Variants in TEC observed in about 807,000 individuals in gnomAD.
TEC encodes the protein tec protein tyrosine kinase.
A neutral mutation model predicts 93.0 loss-of-function variants in TEC; 72 were observed. That is an observed-to-expected ratio of 0.77 (90% CI 0.64 to 0.94). The LOEUF (loss-of-function observed/expected upper bound fraction) is 0.94, where lower values mean the gene tolerates loss of function less well. TEC is among the 40% of genes least tolerant of loss of function. The pLI, the probability that TEC is intolerant of heterozygous loss-of-function variation, is 0.00. For synonymous variants in TEC, 249 were observed against 247.7 expected, an observed-to-expected ratio of 1.01 and a Z score of -0.05; for missense variants, 630 against 757.9, an observed-to-expected ratio of 0.83 and a Z score of 1.98.
chr4:48,227,928 T>C (rs1429280816), intron 2 of TEC, among the ~76,000 whole-genome samples: 2 of 152,172 alleles, frequency 1.3e-5, no homozygotes, highest in Non-Finnish European at 2.9e-5. Context: ...CACATTTGTC[T>C]GTGCCACGTG....
chr4:48,179,350 ATATATATATATATATATATATATATATT>A (rs1392014136), intron 2 of TEC, among the ~76,000 whole-genome samples: 1 of 27,306 alleles, frequency 3.7e-5, no homozygotes, highest in Admixed American at 4.2e-4. Context: ...ATATATATAT[ATATATATATATATATATATATATATATT>A]TTTTTTTTTT....
chr4:48,183,373 G>A (rs781042742), intron 2 of TEC, among the ~76,000 whole-genome samples: 4 of 152,184 alleles, frequency 2.6e-5, no homozygotes, highest in Non-Finnish European at 5.9e-5. Flanking sequence ...ATACTCAGAC[G>A]GCTGGTAAAA....
chr4:48,199,455 CTTTTTTTTTTTTTTTT>C (rs34965891), intron 2 of TEC, among the ~76,000 whole-genome samples: 12 of 67,364 alleles, frequency 1.8e-4, no homozygotes, highest in Admixed American at 2.6e-4. Flanking sequence ...GATTTTCTTT[CTTTTTTTTTTTTTTTT>C]TTTTTTTTTT....
chr4:48,262,262 T>C (rs995311765), intron 1 of TEC, among the ~76,000 whole-genome samples: 1 of 138,720 alleles, frequency 7.2e-6, no homozygotes, highest in African/African-American at 2.7e-5. Context: ...AGTGGTGCGA[T>C]CTCAGCTAAC....
At position 48,170,477 on chromosome 4, in the gene TEC, T is replaced by C. The variant is rs1721055239; in HGVS notation, c.326-101A>G. On this transcript the variant is annotated intron_variant, in intron 4 of 17. Coordinates refer to ENST00000381501, the MANE Select transcript of TEC (RefSeq NM_003215.3). ...ATCATTACTTATTTCTTGGACACTA[T>C]GTTTACTATAAGAACGCCCTTAGAT... The C allele has an allele frequency of 6.0e-6, 5 of 835,324 alleles. No individual in the cohort carries two copies. The South Asian group carries it at 1.1e-4, about 18-fold the overall frequency. The allele number at this position is 835,324 out of a possible 1,614,324, so 51.7% of individuals were successfully genotyped here. A position where few individuals can be genotyped will look rare whatever the true frequency, so the allele number is the denominator to read the frequency against.
At chr4:48,232,118 A>G (rs1167965857) in intron 1 of TEC, among the ~76,000 whole-genome samples, 2 of 151,890 alleles carry the variant, frequency 1.3e-5, no homozygotes, top group Non-Finnish European at 2.9e-5. Context: ...GTGAAACTCC[A>G]TCTCTATTAA....
chr4:48,167,435 T>A (rs1720914661), intron 7 of TEC, among the ~76,000 whole-genome samples: 1 of 151,650 alleles, frequency 6.6e-6, no homozygotes, highest in South Asian at 2.1e-4. Flanking sequence ...AAGAAAAAAA[T>A]TACAATAAAC....
At chr4:48,192,718 T>C (rs1722136036) in intron 2 of TEC, among the ~76,000 whole-genome samples, 1 of 152,220 alleles carries the variant, frequency 6.6e-6, no homozygotes, top group South Asian at 2.1e-4. Flanking sequence ...AAGTAGGTAA[T>C]TGATCAGCTC....
At chr4:48,182,426 A>T (rs1239844471) in intron 2 of TEC, among the ~76,000 whole-genome samples, 1 of 151,890 alleles carries the variant, frequency 6.6e-6, no homozygotes, top group Non-Finnish European at 1.5e-5. Context: ...TCCCTGACTC[A>T]CCTTTGAATC....
intron 1 of TEC, among the ~76,000 whole-genome samples, chr4:48,262,387 G>T (rs1427502842): frequency 6.6e-6 from 1 of 151,440 alleles, no homozygotes; most frequent in Non-Finnish European, 1.5e-5. Flanking sequence ...AGTAAAGATG[G>T]GGTTTCACCA....
intron 3 of TEC, among the ~76,000 whole-genome samples, chr4:48,171,795 T>G (rs985160580): frequency 1.1e-4 from 17 of 152,256 alleles, no homozygotes; most frequent in African/African-American, 4.1e-4. Flanking sequence ...GGACTACTCC[T>G]TCAGCATCAC....
At chr4:48,235,178 G>A (rs1450143912) in intron 1 of TEC, among the ~76,000 whole-genome samples, 1 of 152,284 alleles carries the variant, frequency 6.6e-6, no homozygotes, top group East Asian at 1.9e-4. Flanking sequence ...CACGTAGACT[G>A]TAATCTTCTG....
intron 11 of TEC, among the ~76,000 whole-genome samples, chr4:48,149,148 T>C (rs2704427): frequency 0.061 from 9,243 of 152,258 alleles, 944 homozygotes; most frequent in African/African-American, 0.21. Context: ...CATGCACGTG[T>C]CTTTATAATA....
At chr4:48,176,583 G>T (rs908761671) in intron 2 of TEC, among the ~76,000 whole-genome samples, 1 of 152,110 alleles carries the variant, frequency 6.6e-6, no homozygotes, top group Non-Finnish European at 1.5e-5. Flanking sequence ...TTAGCCAGGT[G>T]TGGTGCTGTG....
At position 48,138,811 on chromosome 4, in the gene TEC, A is replaced by C. The variant is rs781315048; in HGVS notation, c.1666T>G (p.Trp556Gly). The C allele has an allele frequency of 6.2e-7, 1 of 1,613,680 alleles. No homozygotes were observed. The highest frequency in any genetic ancestry group is 8.5e-7 in the Non-Finnish European group (1 of 1,179,706). ...SDVWSFGVLMWEVFTEGRMPF... is the reference protein window; with the variant it reads ...SDVWSFGVLMGEVFTEGRMPF... ...ATTCTGCCTTCCGTGAATACTTCCC[A>C]CATTAAAACACCTGGAAAAGGATAA... The change falls in exon 17 of 18, where the codon TGG becomes GGG. Residue 556 changes from tryptophan (W) to glycine (G), a missense_variant. Transcript: ENST00000381501.
At chr4:48,141,651 T>C (rs1279413744) in intron 14 of TEC, 4 of 435,120 alleles carry the variant, frequency 9.2e-6, no homozygotes, top group Non-Finnish European at 1.6e-5. Context: ...TATTACATAA[T>C]CTTTACCAAT....
chr4:48,244,364 G>C (rs183054413), intron 1 of TEC, among the ~76,000 whole-genome samples: 96 of 152,350 alleles, frequency 6.3e-4, no homozygotes, highest in Non-Finnish European at 1.2e-3. Context: ...GGAAGGCAAG[G>C]AGGAGCAAGT....
At chr4:48,175,799 C>T (rs1721302951) in intron 3 of TEC, among the ~76,000 whole-genome samples, 2 of 152,140 alleles carry the variant, frequency 1.3e-5, no homozygotes, top group Non-Finnish European at 2.9e-5. Flanking sequence ...TTTTTCATCA[C>T]AAGCAGCCTT....
chr4:48,262,979 ACT>A (rs1229684107), intron 1 of TEC, among the ~76,000 whole-genome samples: 1 of 152,106 alleles, frequency 6.6e-6, no homozygotes, highest in Non-Finnish European at 1.5e-5. Context: ...GTGGAAACTG[ACT>A]CTTGTCATCA....
Sources: allele counts gnomAD v4.1 joint callset (sites outside exome capture counted in the v4.1 genomes callset), GRCh38; gene constraint gnomAD v4.1.1; transcripts MANE v1.5; gene names NCBI Gene and HGNC (gene_info 2026-07-23, HGNC 2026-07-21).